CELF1: variants seen among roughly 807,000 people sequenced by gnomAD.
CELF1 encodes 50 kDa nuclear polyadenylated RNA-binding protein.
A neutral mutation model predicts 61.8 loss-of-function variants in CELF1; 10 were observed. That is an observed-to-expected ratio of 0.16 (90% CI 0.10 to 0.27). CELF1 has a LOEUF of 0.27. CELF1 is among the 10% of genes least tolerant of loss of function. The pLI is 1.00. For synonymous variants in CELF1, 236 were observed against 225.1 expected (o/e 1.05, Z -0.43); for missense variants, 380 against 639.1 (o/e 0.59, Z 4.37).
upstream of CELF1, among the ~76,000 whole-genome samples, chr11:47,554,911 G>A (rs1490436166): frequency 6.6e-6 from 1 of 152,084 alleles, no homozygotes; most frequent in Admixed American, 6.6e-5. Flanking sequence ...TGTTCTGCCC[G>A]CCTCTGCCTC....
At position 47,490,358 on chromosome 11, in the gene CELF1, C is replaced by T. The variant is rs908932884; in HGVS notation, c.72-1334G>A. On this transcript the variant is annotated intron_variant, in intron 3 of 14. Coordinates refer to ENST00000687097, the MANE Select transcript of CELF1 (RefSeq NM_001376376.1). ...GCACTATTAGCTTTTCTGTTAGTATCTGCTTAATCTAAAAATCATATACAA... is the reference window on the plus strand; with the variant it reads ...GCACTATTAGCTTTTCTGTTAGTATTTGCTTAATCTAAAAATCATATACAA... Among the ~76,000 whole-genome samples, 4 of 151,772 alleles carry T rather than the reference C, an allele frequency of 2.6e-5. No individual in the cohort carries two copies. In the South Asian group the frequency reaches 8.3e-4, roughly 31 times the overall value.
chr11:47,477,156 A>T (rs1341184625), intron 11 of CELF1, 141 bp downstream of exon 11: 2 of 997,516 alleles, frequency 2.0e-6, no homozygotes, highest in African/African-American at 3.2e-5. Context: ...AGTACAAAAG[A>T]TGACATTTGA....
intron 2 of CELF1, among the ~76,000 whole-genome samples, chr11:47,559,907 C>T (rs1565922510): frequency 6.6e-6 from 1 of 150,412 alleles, no homozygotes; most frequent in Non-Finnish European, 1.5e-5. Flanking sequence ...GAGGCTGAGC[C>T]AGGAGAATCG....
intron 3 of CELF1, among the ~76,000 whole-genome samples, chr11:47,497,908 A>C (rs1596980561): frequency 6.6e-6 from 1 of 152,252 alleles, no homozygotes; most frequent in Non-Finnish European, 1.5e-5. Flanking sequence ...AACACCAGGC[A>C]GTGGCAAAGC....
intron 6 of CELF1, among the ~76,000 whole-genome samples, chr11:47,485,585 A>AT (rs1200052335): frequency 0.015 from 2,114 of 143,606 alleles, 33 homozygotes; most frequent in African/African-American, 0.043. Flanking sequence ...ACTTTTCTGA[A>AT]TTTTTTTTTT....
intron 1 of CELF1, among the ~76,000 whole-genome samples, chr11:47,548,219 A>C (rs1380918515): frequency 6.6e-6 from 1 of 152,074 alleles, no homozygotes; most frequent in Non-Finnish European, 1.5e-5. Context: ...GAATCGCTTG[A>C]ACCAGGGCGA....
chr11:47,546,525 C>T (rs564520048), intron 1 of CELF1, among the ~76,000 whole-genome samples: 5 of 152,212 alleles, frequency 3.3e-5, no homozygotes, highest in Admixed American at 2.6e-4. Context: ...GCCACCACGC[C>T]GGGCCAACTT....
intron 3 of CELF1, among the ~76,000 whole-genome samples, chr11:47,498,559 A>G (rs1389413599): frequency 1.3e-5 from 2 of 152,206 alleles, no homozygotes; most frequent in African/African-American, 2.4e-5. Context: ...TTGCATTAAC[A>G]CTTGTTATCT....
intron 9 of CELF1, among the ~76,000 whole-genome samples, chr11:47,481,102 C>CTTTTTTTTTTTTTT (rs1187959061): frequency 5.7e-4 from 41 of 71,420 alleles, no homozygotes; most frequent in African/African-American, 9.2e-4. Context: ...TTTTCTTCTT[C>CTTTTTTTTTTTTTT]TTTTTTTTTT....
chr11:47,550,905 T>C (rs923836426), intron 1 of CELF1, among the ~76,000 whole-genome samples: 2 of 152,162 alleles, frequency 1.3e-5, no homozygotes, highest in African/African-American at 2.4e-5. Context: ...GTTGAGTGAC[T>C]TGCCAAGGTT....
At chr11:47,485,803 C>T (rs1367600619) in intron 6 of CELF1, among the ~76,000 whole-genome samples, 1 of 150,264 alleles carries the variant, frequency 6.7e-6, no homozygotes, top group Non-Finnish European at 1.5e-5. Context: ...GTGATCCGCC[C>T]GCCGTGCGCT....
chr11:47,547,715 T>C (rs1450239371), intron 1 of CELF1, among the ~76,000 whole-genome samples: 1 of 145,742 alleles, frequency 6.9e-6, no homozygotes, highest in Non-Finnish European at 1.5e-5. Context: ...TCCTGATACA[T>C]GCTACAAAAT....
chr11:47,519,794 C>T (rs909879753), intron 1 of CELF1, among the ~76,000 whole-genome samples: 5 of 151,350 alleles, frequency 3.3e-5, no homozygotes, highest in East Asian at 3.9e-4. Context: ...ACCCAGGAGG[C>T]GCAGCTTTTA....
At chr11:47,545,343 T>C (rs1029879852) in intron 1 of CELF1, among the ~76,000 whole-genome samples, 4 of 152,052 alleles carry the variant, frequency 2.6e-5, no homozygotes, top group East Asian at 1.9e-4. Context: ...GGCACGAGAA[T>C]TGCTTGAACC....
intron 8 of CELF1, among the ~76,000 whole-genome samples, 162 bp downstream of exon 8, chr11:47,483,291 C>T (rs2084551592): frequency 6.6e-6 from 1 of 151,992 alleles, no homozygotes; most frequent in Non-Finnish European, 1.5e-5. Flanking sequence ...AGAGCATTTC[C>T]AATACGTTAA....
intron 2 of CELF1, chr11:47,499,895 G>T (rs1374184653): frequency 4.6e-5 from 8 of 173,494 alleles, no homozygotes; most frequent in Non-Finnish European, 7.3e-5. Flanking sequence ...ACACAAACTT[G>T]TTTCACATCC....
intron 1 of CELF1, among the ~76,000 whole-genome samples, chr11:47,521,334 C>G (rs2153654719): frequency 6.6e-6 from 1 of 152,302 alleles, no homozygotes; most frequent in African/African-American, 2.4e-5. Context: ...TAGTTATTTT[C>G]ATAAGGAAAT....
intron 1 of CELF1, among the ~76,000 whole-genome samples, chr11:47,533,466 CA>C (rs1261443860): frequency 6.6e-6 from 1 of 151,870 alleles, no homozygotes; most frequent in African/African-American, 2.4e-5. Flanking sequence ...TACTAAAATA[CA>C]AAAAATTAGC....
intron 1 of CELF1, among the ~76,000 whole-genome samples, chr11:47,547,532 C>T (rs771570172): frequency 2.0e-5 from 3 of 151,914 alleles, no homozygotes; most frequent in African/African-American, 4.8e-5. Context: ...ACAAAATTAG[C>T]CAGGCTAGGT....
Sources: allele counts gnomAD v4.1 joint callset (sites outside exome capture counted in the v4.1 genomes callset), GRCh38; gene constraint gnomAD v4.1.1; transcripts MANE v1.5; gene names NCBI Gene and HGNC (gene_info 2026-07-23, HGNC 2026-07-21).